Variants in CDH23 observed in about 807,000 individuals in gnomAD.
CDH23 encodes cadherin-23.
CDH23 carries 189 observed loss-of-function variants against 317.1 expected under a neutral mutation model. The observed-to-expected ratio is 0.60, with a 90% CI of 0.53 to 0.67. The LOEUF (loss-of-function observed/expected upper bound fraction) is 0.67. CDH23 is among the 30% of genes least tolerant of loss of function. CDH23 has a pLI of 0.00. For synonymous variants in CDH23, 1,839 were observed against 1,876.8 expected, an observed-to-expected ratio of 0.98 and a Z score of 0.52; for missense variants, 4,401 against 4,592.4, an observed-to-expected ratio of 0.96 and a Z score of 1.20.
chr10:71,745,737 T>G (rs949860175), intron 38 of CDH23, among the ~76,000 whole-genome samples: 1 of 152,218 alleles, frequency 6.6e-6, no homozygotes, highest in Non-Finnish European at 1.5e-5. Context: ...TGGGCAGATT[T>G]CACTGGATGC....
chr10:71,661,173 C>A (rs10999938), intron 14 of CDH23, among the ~76,000 whole-genome samples: 6,139 of 152,226 alleles, frequency 0.04, 284 homozygotes, highest in East Asian at 0.15. Flanking sequence ...AACTGCTCCC[C>A]GAGAGCCTGG....
At chr10:71,778,014 TG>T in intron 39 of CDH23, 113 bp downstream of exon 39, 1 of 1,428,960 alleles carries the variant, frequency 7.0e-7, no homozygotes. Context: ...GGGGAAACTG[TG>T]GGGGCACTCA....
At chr10:71,787,397 A>G (rs1359739675) in intron 44 of CDH23, among the ~76,000 whole-genome samples, 1 of 149,982 alleles carries the variant, frequency 6.7e-6, no homozygotes, top group African/African-American at 2.5e-5. Context: ...TGTAGTGGTG[A>G]AGACTGGGCT....
Position 71,793,187 on chromosome 10 carries a change from T to C in CDH23, c.6259T>C (p.Ser2087Pro). 6.2e-7 allele frequency: 1 copy of C among 1,610,604 alleles called. No homozygotes were observed. The change falls in exon 48 of 70, where the codon TCA (serine) becomes CCA (proline). Residue 2087 changes from serine to proline, a missense_variant. This residue lies in a region of CDH23 where 3,068 missense variants were observed against 3,203.3 expected (regional missense o/e 0.96). Transcript: ENST00000224721. Reference protein sequence around the residue: ...HLLENCPPGFSVLQVTATDED... With the variant: ...HLLENCPPGFPVLQVTATDED... ...CCCTTTTCCCTCTCCAACAGGATTCTCAGTCCTTCAAGTCACAGCCACAGA... is the reference window on the plus strand; with the variant it reads ...CCCTTTTCCCTCTCCAACAGGATTCCCAGTCCTTCAAGTCACAGCCACAGA...
chr10:71,695,224 T>G lies in CDH23; in HGVS notation c.2290-194T>G, dbSNP rs183117586. On this transcript the variant is annotated intron_variant, in intron 21 of 69. Coordinates refer to ENST00000224721, the MANE Select transcript of CDH23 (RefSeq NM_022124.6). ...CCTCCTGATGGGACAACACTGGAAC[T>G]CTCTCTCCTGAAGCGGCCTGGCTCC... Among the ~76,000 whole-genome samples, 1,588 of 152,324 alleles carry G rather than the reference T, an allele frequency of 0.01. 18 individuals are homozygous for G. The highest frequency in any genetic ancestry group is 0.017 in the Non-Finnish European group (1,172 of 68,016).
At chr10:71,402,557 G>A (rs754775796) in intron 1 of CDH23, among the ~76,000 whole-genome samples, 4 of 152,166 alleles carry the variant, frequency 2.6e-5, no homozygotes, top group Admixed American at 1.3e-4. Context: ...AGTACCTGGC[G>A]CACAGTATAC....
intron 69 of CDH23, among the ~76,000 whole-genome samples, chr10:71,813,628 T>A (rs1842018510): frequency 6.6e-6 from 1 of 152,162 alleles, no homozygotes; most frequent in Non-Finnish European, 1.5e-5. Context: ...GAAACCCGGC[T>A]GGGTGCGGTG....
chr10:71,570,304 G>T (rs1857702774), intron 7 of CDH23, among the ~76,000 whole-genome samples: 1 of 152,222 alleles, frequency 6.6e-6, no homozygotes, highest in South Asian at 2.1e-4. Context: ...CTTCTGAGGA[G>T]TCCCCATCTT....
intron 9 of CDH23, among the ~76,000 whole-genome samples, chr10:71,605,339 C>T (rs934458095): frequency 2.6e-5 from 4 of 151,496 alleles, no homozygotes; most frequent in African/African-American, 4.9e-5. Context: ...TTCATTGGGG[C>T]GATTGTGCCT....
At chr10:71,471,177 G>A (rs1191109613) in intron 3 of CDH23, among the ~76,000 whole-genome samples, 3 of 152,112 alleles carry the variant, frequency 2.0e-5, no homozygotes, top group African/African-American at 7.2e-5. Flanking sequence ...GCCCACTCTT[G>A]ACCGCAGTCC....
At chr10:71,590,075 G>A (rs538830097) in intron 9 of CDH23, among the ~76,000 whole-genome samples, 2 of 152,314 alleles carry the variant, frequency 1.3e-5, no homozygotes, top group South Asian at 2.1e-4. Flanking sequence ...GCACTTGAGC[G>A]GGCTGCCACA....
At chr10:71,787,876 C>A (rs1472048835) in intron 44 of CDH23, among the ~76,000 whole-genome samples, 1 of 152,128 alleles carries the variant, frequency 6.6e-6, no homozygotes, top group Non-Finnish European at 1.5e-5. Context: ...TTTGATATAA[C>A]GATGTATTTC....
intron 48 of CDH23, among the ~76,000 whole-genome samples, chr10:71,794,126 C>T (rs1321055880): frequency 2.0e-5 from 3 of 152,058 alleles, no homozygotes; most frequent in African/African-American, 4.8e-5. Context: ...CTCAGCCTCC[C>T]GAGTAGCTGA....
intron 6 of CDH23, among the ~76,000 whole-genome samples, chr10:71,538,481 T>C (rs1855822259): frequency 6.6e-6 from 1 of 152,208 alleles, no homozygotes; most frequent in African/African-American, 2.4e-5. Context: ...GGGCCCGTGA[T>C]TGCTGGAGCC....
chr10:71,470,352 T>G (rs890744163), intron 3 of CDH23, among the ~76,000 whole-genome samples: 3 of 152,220 alleles, frequency 2.0e-5, no homozygotes, highest in Non-Finnish European at 4.4e-5. Flanking sequence ...ACATTCACAG[T>G]GTTGTGCAAC....
intron 3 of CDH23, among the ~76,000 whole-genome samples, chr10:71,448,983 G>A (rs1850303934): frequency 6.6e-6 from 1 of 152,184 alleles, no homozygotes; most frequent in African/African-American, 2.4e-5. Context: ...TTGAGACTTG[G>A]CTCTCATGAA....
chr10:71,730,683 C>A (rs906162544), intron 31 of CDH23, 79 bp downstream of exon 31: 9 of 1,573,930 alleles, frequency 5.7e-6, no homozygotes, highest in Middle Eastern at 2.0e-4. Context: ...TCCTTCGAAA[C>A]GGTCATCCCT....
chr10:71,705,450 C>T (rs1865750479), intron 25 of CDH23, among the ~76,000 whole-genome samples: 1 of 152,194 alleles, frequency 6.6e-6, no homozygotes, highest in Admixed American at 6.5e-5. Context: ...CCGGGACCCT[C>T]AGGGTCATGA....
chr10:71,702,857 T>C (rs1329860972), intron 24 of CDH23, among the ~76,000 whole-genome samples, 163 bp downstream of exon 24: 2 of 151,826 alleles, frequency 1.3e-5, no homozygotes, highest in South Asian at 2.1e-4. Flanking sequence ...AGGAAAAGGA[T>C]AGGGAGATGG....
Sources: gnomAD v4.1 joint callset for allele counts (sites outside exome capture counted in the v4.1 genomes callset) on GRCh38, gnomAD v4.1.1 for gene constraint, gnomAD v4.1.1 regional missense constraint, MANE v1.5 for transcripts, NCBI Gene and HGNC (gene_info 2026-07-23, HGNC 2026-07-21) for gene names.